RNF152: variants seen among roughly 807,000 people sequenced by gnomAD.
The protein encoded by RNF152 is E3 ubiquitin-protein ligase RNF152.
RNF152 carries 11 observed loss-of-function variants against 12.7 expected under a neutral mutation model. That is an observed-to-expected ratio of 0.86 (90% CI 0.54 to 1.43). RNF152 has a LOEUF of 1.43. Ranked by LOEUF, RNF152 falls within the 40% of genes most tolerant of loss-of-function variation. The pLI is 0.00. For missense variants in RNF152, 255 were observed against 274.8 expected (o/e 0.93, Z 0.51); for synonymous variants, 113 against 120.3 (o/e 0.94, Z 0.40).
At chr18:61,820,562 T>A (rs1249199902) in intron 1 of RNF152, among the ~76,000 whole-genome samples, 1 of 152,008 alleles carries the variant, frequency 6.6e-6, no homozygotes, top group Non-Finnish European at 1.5e-5. Context: ...CACGTTGAGC[T>A]ACGGGTGGGT....
chr18:61,839,839 G>A (rs1910372862), intron 1 of RNF152, among the ~76,000 whole-genome samples: 1 of 152,210 alleles, frequency 6.6e-6, no homozygotes, highest in African/African-American at 2.4e-5. Context: ...AGCTTGCAGT[G>A]GGCCGAGATC....
intron 1 of RNF152, among the ~76,000 whole-genome samples, chr18:61,857,048 T>C (rs1911258294): frequency 6.6e-6 from 1 of 152,106 alleles, no homozygotes. Context: ...CATTATTCAG[T>C]CAAAACTCTA....
intron 1 of RNF152, among the ~76,000 whole-genome samples, chr18:61,889,158 T>C (rs1482138618): frequency 6.6e-6 from 1 of 152,116 alleles, no homozygotes; most frequent in East Asian, 1.9e-4. Context: ...GTGCTACATC[T>C]TATCACTTGA....
chr18:61,818,307 C>T (rs1014016793), intron 1 of RNF152, among the ~76,000 whole-genome samples: 11 of 151,988 alleles, frequency 7.2e-5, no homozygotes, highest in Non-Finnish European at 1.0e-4. Flanking sequence ...CCTCTAGTCC[C>T]GGCTACTCAG....
chr18:61,870,757 G>A (rs1911954177), intron 1 of RNF152, among the ~76,000 whole-genome samples: 1 of 152,078 alleles, frequency 6.6e-6, no homozygotes, highest in Admixed American at 6.5e-5. Flanking sequence ...CCCACATAAG[G>A]CTCCAGCTCC....
chr18:61,879,601 G>T (rs763717954), intron 1 of RNF152, among the ~76,000 whole-genome samples: 2 of 152,150 alleles, frequency 1.3e-5, no homozygotes, highest in African/African-American at 4.8e-5. Context: ...ATACAAAAGG[G>T]TATGATTTAT....
chr18:61,816,571 C>T lies in RNF152; in HGVS notation c.-108G>A, dbSNP rs1418814030. ...GTGCAGGTAATGGCAAGCTCACAGGCATCCAGTACTCACAGGTGTGTTCAT... is the reference window on the plus strand; with the variant it reads ...GTGCAGGTAATGGCAAGCTCACAGGTATCCAGTACTCACAGGTGTGTTCAT... On this transcript the variant is annotated 5_prime_UTR_variant, in exon 2 of 2. It removes an upstream start codon present in the reference 5' UTR. Transcript: ENST00000312828. 3 of 1,143,646 alleles carry T rather than the reference C, an allele frequency of 2.6e-6. No individual in the cohort carries two copies. Among genetic ancestry groups the T allele is most frequent in the Non-Finnish European group, 3.8e-6 (3 of 796,078 alleles). 70.8% of individuals were successfully genotyped at this position (1,143,646 alleles called of 1,614,324 possible). A position where few individuals can be genotyped will look rare whatever the true frequency, so the allele number is the denominator to read the frequency against.
chr18:61,851,090 TA>T lies in RNF152; in HGVS notation c.-135-34493del, dbSNP rs529714042. Among the ~76,000 whole-genome samples, 471 of 126,356 alleles carry T rather than the reference TA, an allele frequency of 3.7e-3. 1 individual carries two copies. Among genetic ancestry groups the T allele is most frequent in the East Asian group, 0.027 (117 of 4,394 alleles). The allele number at this position is 126,356 out of a possible 152,430, so 82.9% of individuals were successfully genotyped here. A position where few individuals can be genotyped will look rare whatever the true frequency, so the allele number is the denominator to read the frequency against. On this transcript the variant is annotated intron_variant, in intron 1 of 1. Coordinates refer to ENST00000312828, the MANE Select transcript of RNF152 (RefSeq NM_173557.3). Reference sequence around the variant, plus strand: ...ACCATCTGCTGATATCCACAATGATTAAAAAAAAAAAAAAAAAACTTATGAT... The same window carrying T: ...ACCATCTGCTGATATCCACAATGATTAAAAAAAAAAAAAAAAACTTATGAT...
At chr18:61,863,129 A>G (rs1568284964) in intron 1 of RNF152, among the ~76,000 whole-genome samples, 1 of 152,116 alleles carries the variant, frequency 6.6e-6, no homozygotes, top group Admixed American at 6.5e-5. Flanking sequence ...CCCGTAAAAC[A>G]TTTGCTCTTG....
intron 1 of RNF152, among the ~76,000 whole-genome samples, chr18:61,873,672 TA>T (rs1185777285): frequency 6.6e-6 from 1 of 152,212 alleles, no homozygotes; most frequent in African/African-American, 2.4e-5. Context: ...CCTCACATCT[TA>T]CAGCAGTGGG....
rs1912791503 is a variant in RNF152 at position 61,808,412 on chromosome 18, A to C, written c.*7440T>G. On this transcript the variant is annotated 3_prime_UTR_variant, in exon 2 of 2. Transcript: ENST00000312828. ...TAAAAAAAAAAAAAAAAAAAAAAAA[A>C]GCTCCTAAAATAAATAATCCACATA... The C allele has an allele frequency of 6.8e-6, 1 of 146,806 alleles. No individual in the cohort carries two copies. The highest frequency in any genetic ancestry group is 2.1e-4 in the South Asian group (1 of 4,698). 9.1% of individuals were successfully genotyped at this position (146,806 alleles called of 1,614,324 possible).
intron 1 of RNF152, among the ~76,000 whole-genome samples, chr18:61,852,281 A>G (rs1414087281): frequency 6.6e-6 from 1 of 152,256 alleles, no homozygotes; most frequent in Non-Finnish European, 1.5e-5. Context: ...AGGCCTAGAC[A>G]TCTTCCTTTT....
chr18:61,809,349 G>A lies in RNF152; in HGVS notation c.*6503C>T, dbSNP rs538463047. ...CTGTGTTCTCCCACTATTTAACAGA[G>A]GTATCAACTAGATCCCCTTTAAGAG... On this transcript the variant is annotated 3_prime_UTR_variant, in exon 2 of 2. Transcript: ENST00000312828. The A allele has an allele frequency of 6.6e-6, 1 of 152,134 alleles. No individual in the cohort carries two copies. The highest frequency in any genetic ancestry group is 6.5e-5 in the Admixed American group (1 of 15,284). The allele number at this position is 152,134 out of a possible 1,614,324, so 9.4% of individuals were successfully genotyped here.
intron 1 of RNF152, among the ~76,000 whole-genome samples, chr18:61,856,713 T>A (rs1044730655): frequency 2.0e-5 from 3 of 152,150 alleles, no homozygotes; most frequent in Admixed American, 2.0e-4. Flanking sequence ...TTTGAGGGTC[T>A]GCAAACTTAG....
Position 61,809,470 on chromosome 18 carries a change from T to G in RNF152, c.*6382A>C, listed in dbSNP as rs1344639614. 6.6e-6 allele frequency: 1 copy of G among 152,206 alleles called. No individual in the cohort carries two copies. Among genetic ancestry groups the G allele is most frequent in the East Asian group, 1.9e-4 (1 of 5,194 alleles). 9.4% of individuals were successfully genotyped at this position (152,206 alleles called of 1,614,324 possible). A position where few individuals can be genotyped will look rare whatever the true frequency, so the allele number is the denominator to read the frequency against. On this transcript the variant is annotated 3_prime_UTR_variant, in exon 2 of 2. Coordinates refer to ENST00000312828, the MANE Select transcript of RNF152 (RefSeq NM_173557.3). ...CTTCTGGATTTTCAAAAAGCAAATG[T>G]TGAATTAAAAATGGGCCATCCCTTT...
In RNF152 at chr18:61,837,229, C is replaced by T. The variant is rs189164817; in HGVS notation, c.-135-20631G>A. Among the ~76,000 whole-genome samples the T allele has an allele frequency of 6.6e-5, 10 of 152,264 alleles. 1 individual carries two copies. Among genetic ancestry groups the T allele is most frequent in the Admixed American group, 5.2e-4 (8 of 15,282 alleles). On this transcript the variant is annotated intron_variant, in intron 1 of 1. Coordinates refer to ENST00000312828, the MANE Select transcript of RNF152 (RefSeq NM_173557.3). ...TCATGGAAAGGAAAACAAAAAGCAA[C>T]GAGATTGTTCTAGATTTTAAGAGAC...
Position 61,835,694 on chromosome 18 carries a change from C to T in RNF152, c.-135-19096G>A, listed in dbSNP as rs568257769. Among the ~76,000 whole-genome samples the T allele has an allele frequency of 3.4e-4, 52 of 152,300 alleles. 1 individual carries two copies. The Middle Eastern group carries it at 0.017, about 50-fold the overall frequency. ...TGGATTCAATTCAACAACAGAACCA[C>T]ATTCAAATCCCTTTTGAATACAAGC... On this transcript the variant is annotated intron_variant, in intron 1 of 1. Transcript: ENST00000312828.
Position 61,864,439 on chromosome 18 carries a change from T to G in RNF152, c.-136+28356A>C, listed in dbSNP as rs1055267747. On this transcript the variant is annotated intron_variant, in intron 1 of 1. Coordinates refer to ENST00000312828, the MANE Select transcript of RNF152 (RefSeq NM_173557.3). Reference sequence around the variant, plus strand: ...AATGGAAGAAATACACAGGGCAAGATTGGGTGCACAGAGCTTCCATGACCT... The same window carrying G: ...AATGGAAGAAATACACAGGGCAAGAGTGGGTGCACAGAGCTTCCATGACCT... 2.0e-5 allele frequency among the ~76,000 whole-genome samples: 3 copies of G among 152,156 alleles called. No homozygotes were observed. In the South Asian group the frequency reaches 6.2e-4, roughly 32 times the overall value.
intron 1 of RNF152, among the ~76,000 whole-genome samples, chr18:61,851,894 C>T (rs541045906): frequency 6.6e-6 from 1 of 152,298 alleles, no homozygotes; most frequent in East Asian, 1.9e-4. Flanking sequence ...TCTTTCTAAC[C>T]TCAACCTAGA....
Sources: gnomAD v4.1 joint callset for allele counts (sites outside exome capture counted in the v4.1 genomes callset) on GRCh38, gnomAD v4.1.1 for gene constraint, MANE v1.5 for transcripts, NCBI Gene and HGNC (gene_info 2026-07-23, HGNC 2026-07-21) for gene names.